The following ATP2B2 variants were observed in gnomAD, a reference collection of about 807,000 sequenced individuals.
ATP2B2 encodes ATPase plasma membrane Ca2+ transporting 2, also known as plasma membrane calcium-transporting ATPase 2.
ATP2B2 carries 15 observed loss-of-function variants against 120.0 expected under a neutral mutation model. The ratio of observed to expected loss-of-function variants is 0.12; its 90% CI spans 0.08 to 0.19. The LOEUF (loss-of-function observed/expected upper bound fraction) is 0.19, where lower values mean the gene tolerates loss of function less well. ATP2B2 is among the 10% of genes least tolerant of loss of function. The pLI is 1.00. For synonymous variants in ATP2B2, 694 were observed against 700.3 expected, an observed-to-expected ratio of 0.99 and a Z score of 0.14; for missense variants, 1,045 against 1,719.8, an observed-to-expected ratio of 0.61 and a Z score of 6.94.
At chr3:10,479,456 C>T (rs889219224) in intron 1 of ATP2B2, among the ~76,000 whole-genome samples, 1 of 151,946 alleles carries the variant, frequency 6.6e-6, no homozygotes, top group Non-Finnish European at 1.5e-5. Context: ...CTCTGGGAGG[C>T]CTTCTCTGAT....
At chr3:10,456,443 C>G (rs1039402944) in intron 1 of ATP2B2, among the ~76,000 whole-genome samples, 1 of 152,156 alleles carries the variant, frequency 6.6e-6, no homozygotes, top group Non-Finnish European at 1.5e-5. Context: ...GGGCAGGGCT[C>G]TTAATCCTCT....
At chr3:10,577,868 A>G (rs943295092) in intron 2 of ATP2B2, among the ~76,000 whole-genome samples, 1 of 152,236 alleles carries the variant, frequency 6.6e-6, no homozygotes, top group Admixed American at 6.5e-5. Flanking sequence ...AGCCTGGTCC[A>G]ACACTGCTGC....
chr3:10,647,305 G>C (rs1211882690), intron 1 of ATP2B2, among the ~76,000 whole-genome samples: 2 of 152,182 alleles, frequency 1.3e-5, no homozygotes, highest in African/African-American at 4.8e-5. Context: ...TGGTGGATGT[G>C]AGGCAGGGAA....
Position 10,402,030 on chromosome 3 carries a change from G to T in ATP2B2, c.655+61C>A. ...GAGCCAATCTCTTTGCATCAGCCTG[G>T]CCTGTCCCACCTCTGCCGGAATCCA... On this transcript the variant is annotated intron_variant, in intron 4 of 22. Coordinates refer to ENST00000360273, the MANE Select transcript of ATP2B2 (RefSeq NM_001001331.4). This position sits in a 1 kb window ranked among gnomAD's most constrained non-coding sequence, Gnocchi z 4.9. The T allele has an allele frequency of 1.2e-6, 2 of 1,605,356 alleles. No individual in the cohort carries two copies. The highest frequency in any genetic ancestry group is 1.7e-6 in the Non-Finnish European group (2 of 1,179,680).
intron 2 of ATP2B2, among the ~76,000 whole-genome samples, chr3:10,548,622 C>T (rs2067601311): frequency 1.3e-5 from 2 of 152,182 alleles, no homozygotes; most frequent in Admixed American, 6.5e-5. Flanking sequence ...TCCAGGTGCC[C>T]ACAGTGATAA....
At chr3:10,688,099 T>C (rs1365800840) in intron 1 of ATP2B2, among the ~76,000 whole-genome samples, 1 of 152,224 alleles carries the variant, frequency 6.6e-6, no homozygotes, top group Non-Finnish European at 1.5e-5. Context: ...GTTGTTTCCA[T>C]TTTCCAGGTG....
intron 2 of ATP2B2, among the ~76,000 whole-genome samples, chr3:10,605,023 G>A (rs2069024605): frequency 6.6e-6 from 1 of 152,172 alleles, no homozygotes; most frequent in Non-Finnish European, 1.5e-5. Flanking sequence ...AATAGAATAT[G>A]CCACAGCCTT....
At chr3:10,661,831 AC>A (rs1187246192) in intron 1 of ATP2B2, among the ~76,000 whole-genome samples, 2 of 152,180 alleles carry the variant, frequency 1.3e-5, no homozygotes, top group Admixed American at 1.3e-4. Context: ...GAGGCATCAC[AC>A]TACCTGACTT....
intron 2 of ATP2B2, among the ~76,000 whole-genome samples, chr3:10,579,610 A>G (rs1052546583): frequency 5.9e-5 from 9 of 152,182 alleles, no homozygotes; most frequent in Non-Finnish European, 1.0e-4. Flanking sequence ...GGAGTTCGAG[A>G]CCAGCCTGGC....
At chr3:10,694,186 T>C (rs1169046549) in intron 1 of ATP2B2, among the ~76,000 whole-genome samples, 5 of 152,244 alleles carry the variant, frequency 3.3e-5, no homozygotes, top group Non-Finnish European at 5.9e-5. Context: ...TATGTGTCTG[T>C]GTGTGTGCAC....
chr3:10,705,143 A>T (rs2071876964), intron 1 of ATP2B2, among the ~76,000 whole-genome samples: 1 of 152,198 alleles, frequency 6.6e-6, no homozygotes, highest in South Asian at 2.1e-4. Flanking sequence ...ATCAAGAGAA[A>T]TCCTGCACAA....
At chr3:10,694,191 G>A (rs1458034364) in intron 1 of ATP2B2, among the ~76,000 whole-genome samples, 1 of 152,218 alleles carries the variant, frequency 6.6e-6, no homozygotes, top group African/African-American at 2.4e-5. Context: ...GTCTGTGTGT[G>A]TGCACAAGTG....
At chr3:10,684,116 C>A (rs1039043215) in intron 1 of ATP2B2, among the ~76,000 whole-genome samples, 1 of 152,080 alleles carries the variant, frequency 6.6e-6, no homozygotes, top group South Asian at 2.1e-4. Context: ...GGGCAAGTGA[C>A]CCAGGTCTGG....
chr3:10,328,655 G>A lies in ATP2B2; in HGVS notation c.*159C>T, dbSNP rs2059903048. The A allele has an allele frequency of 1.4e-6, 1 of 719,602 alleles. No homozygotes were observed. The highest frequency in any genetic ancestry group is 2.2e-6 in the Non-Finnish European group (1 of 445,984). 44.6% of individuals were successfully genotyped at this position (719,602 alleles called of 1,614,324 possible). On this transcript the variant is annotated 3_prime_UTR_variant, in exon 23 of 23. Transcript: ENST00000360273. ...TCAAACAGCATCGCAGCCAGAGAAA[G>A]GGTCTGTGGGTGGAAACGTTGGTTT...
chr3:10,384,548 C>G (rs1260906376), intron 8 of ATP2B2, among the ~76,000 whole-genome samples: 3 of 152,190 alleles, frequency 2.0e-5, no homozygotes, highest in Non-Finnish European at 4.4e-5. Context: ...GGAACTCCTT[C>G]TTGCTTGCGT....
At chr3:10,331,616 C>A (rs138727046) in intron 22 of ATP2B2, among the ~76,000 whole-genome samples, 88 of 151,838 alleles carry the variant, frequency 5.8e-4, no homozygotes, top group Admixed American at 1.4e-3. Context: ...TCTCAAGTCT[C>A]CACTTCGGTT....
chr3:10,702,931 T>C (rs1448450495), intron 1 of ATP2B2, among the ~76,000 whole-genome samples: 7 of 152,180 alleles, frequency 4.6e-5, no homozygotes, highest in African/African-American at 7.2e-5. Flanking sequence ...TCCTTTTCTC[T>C]GTAATTTAGG....
chr3:10,395,578 G>C (rs1459676461), intron 5 of ATP2B2, among the ~76,000 whole-genome samples: 1 of 152,202 alleles, frequency 6.6e-6, no homozygotes, highest in East Asian at 1.9e-4. Context: ...AGAGTGAAGG[G>C]CATGCCCGTA....
At chr3:10,631,941 C>T (rs554144214) in intron 1 of ATP2B2, among the ~76,000 whole-genome samples, 35 of 152,320 alleles carry the variant, frequency 2.3e-4, no homozygotes, top group African/African-American at 8.2e-4. Context: ...ACTATTGTTG[C>T]ACATCCAGAA....
Sources: allele counts gnomAD v4.1 joint callset (sites outside exome capture counted in the v4.1 genomes callset), GRCh38; gene constraint gnomAD v4.1.1; non-coding constraint Gnocchi (gnomAD v3.1); transcripts MANE v1.5; gene names NCBI Gene and HGNC (gene_info 2026-07-23, HGNC 2026-07-21).